Variants in PGR observed in about 807,000 individuals in gnomAD.
PGR encodes the protein nuclear receptor subfamily 3 group C member 3.
A neutral mutation model predicts 76.1 loss-of-function variants in PGR; 25 were observed. The observed-to-expected ratio is 0.33, with a 90% CI of 0.24 to 0.46. PGR has a LOEUF of 0.46. PGR is among the 20% of genes least tolerant of loss of function. PGR has a pLI of 1.00. For synonymous variants in PGR, 579 were observed against 535.0 expected, an observed-to-expected ratio of 1.08 and a Z score of -1.14; for missense variants, 1,172 against 1,225.3, an observed-to-expected ratio of 0.96 and a Z score of 0.65.
At chr11:101,099,385 A>G (rs1861929187) in intron 2 of PGR, among the ~76,000 whole-genome samples, 1 of 152,186 alleles carries the variant, frequency 6.6e-6, no homozygotes, top group Non-Finnish European at 1.5e-5. Context: ...AGAAATTGGG[A>G]TGGCGGTTAC....
chr11:101,052,545 T>G (rs1388452491), intron 4 of PGR, among the ~76,000 whole-genome samples: 1 of 152,122 alleles, frequency 6.6e-6, no homozygotes, highest in Non-Finnish European at 1.5e-5. Context: ...CTGGGTCAGA[T>G]CATCCAAGGT....
chr11:101,078,448 G>A (rs903422769), intron 3 of PGR, among the ~76,000 whole-genome samples: 2 of 152,116 alleles, frequency 1.3e-5, no homozygotes, highest in African/African-American at 2.4e-5. Context: ...ATATAAAGCT[G>A]TATTCATTTC....
intron 3 of PGR, among the ~76,000 whole-genome samples, chr11:101,082,673 T>C (rs1322739800): frequency 6.6e-6 from 1 of 152,172 alleles, no homozygotes; most frequent in African/African-American, 2.4e-5. Flanking sequence ...AGAGAGATGA[T>C]TTGGGGTATC....
intron 4 of PGR, among the ~76,000 whole-genome samples, chr11:101,060,023 T>C (rs1860436153): frequency 6.6e-6 from 1 of 152,130 alleles, no homozygotes; most frequent in Non-Finnish European, 1.5e-5. Context: ...TGCAAATATA[T>C]GCCTAGGTGT....
chr11:101,086,217 A>T (rs889251308), intron 3 of PGR, among the ~76,000 whole-genome samples: 7 of 152,082 alleles, frequency 4.6e-5, no homozygotes, highest in Non-Finnish European at 8.8e-5. Context: ...CTAGCAAACC[A>T]AATCAAACAT....
chr11:101,065,108 C>T (rs531676787), intron 3 of PGR, among the ~76,000 whole-genome samples: 3 of 152,306 alleles, frequency 2.0e-5, no homozygotes, highest in East Asian at 3.9e-4. Context: ...TCTTAAATGA[C>T]GCATGACTGT....
intron 6 of PGR, among the ~76,000 whole-genome samples, chr11:101,047,006 C>T (rs978171114): frequency 2.0e-5 from 3 of 152,170 alleles, no homozygotes; most frequent in African/African-American, 7.2e-5. Context: ...CCCCAAATCT[C>T]ATTAGAATCT....
At chr11:101,106,547 T>C (rs1158328048) in intron 2 of PGR, among the ~76,000 whole-genome samples, 1 of 152,070 alleles carries the variant, frequency 6.6e-6, no homozygotes, top group Non-Finnish European at 1.5e-5. Flanking sequence ...ATGGCAACCA[T>C]TAAAAAGTCA....
In PGR at chr11:101,128,905, C is replaced by G; in HGVS notation, c.166G>C (p.Asp56His). ...CAGGGCCGAGGGAAGAGTAGCCCGT[C>G]CAGGGAGATAGGTATGGCCGAAACT... Reference protein sequence around the residue: ...PEVSAIPISLDGLLFPRPCQG... With the variant: ...PEVSAIPISLHGLLFPRPCQG... Residue 56 changes from aspartate (D) to histidine (H), a missense_variant, in exon 1 of 8, where the codon GAC (aspartate) becomes CAC (histidine). Asp to His is a moderately conservative substitution (Grantham distance 81). Around this residue, in one of 4 missense-constraint regions of PGR, gnomAD observed 893 missense variants for 785.9 expected, o/e 1.14. Transcript: ENST00000325455. The G allele has an allele frequency of 1.2e-6, 2 of 1,613,924 alleles. No homozygotes were observed. Among genetic ancestry groups the G allele is most frequent in the Non-Finnish European group, 1.7e-6 (2 of 1,180,010 alleles).
Position 101,100,869 on chromosome 11 carries a change from C to T in PGR, c.1790-8993G>A, listed in dbSNP as rs182579734. ...ATCCCCCCCTGCAACAATTATGTGG[C>T]CCAATAGGTCAATAGTGTGAGGTTG... On this transcript the variant is annotated intron_variant, in intron 2 of 7. Coordinates refer to ENST00000325455, the MANE Select transcript of PGR (RefSeq NM_000926.4). Among the ~76,000 whole-genome samples, 147 of 152,168 alleles carry T rather than the reference C, an allele frequency of 9.7e-4. 1 individual carries two copies. The highest frequency in any genetic ancestry group is 1.5e-3 in the Non-Finnish European group (99 of 68,014).
At chr11:101,068,568 T>A (rs925588849) in intron 3 of PGR, among the ~76,000 whole-genome samples, 2 of 152,162 alleles carry the variant, frequency 1.3e-5, no homozygotes, top group Non-Finnish European at 2.9e-5. Context: ...CAAGACATCC[T>A]AAGTCAAAAG....
At chr11:101,069,490 C>T (rs1860838619) in intron 3 of PGR, among the ~76,000 whole-genome samples, 1 of 152,118 alleles carries the variant, frequency 6.6e-6, no homozygotes, top group Non-Finnish European at 1.5e-5. Context: ...TGCCATTTGA[C>T]CCAGTAATCC....
In PGR at chr11:101,093,678, C is replaced by T. The variant is rs577925297; in HGVS notation, c.1790-1802G>A. Among the ~76,000 whole-genome samples, 4 of 152,188 alleles carry T rather than the reference C, an allele frequency of 2.6e-5. No homozygotes were observed. The South Asian group carries it at 6.2e-4, about 24-fold the overall frequency. Reference sequence around the variant, plus strand: ...TTCTGCATGTTGGTCAGGCTGGTCTCGAACTCCCAACCTCAGGTGATCTGC... The same window carrying T: ...TTCTGCATGTTGGTCAGGCTGGTCTTGAACTCCCAACCTCAGGTGATCTGC... On this transcript the variant is annotated intron_variant, in intron 2 of 7. Coordinates refer to ENST00000325455, the MANE Select transcript of PGR (RefSeq NM_000926.4).
intron 3 of PGR, among the ~76,000 whole-genome samples, chr11:101,082,078 G>A (rs968536469): frequency 6.6e-6 from 1 of 152,100 alleles, no homozygotes; most frequent in African/African-American, 2.4e-5. Flanking sequence ...TAATGAGTGA[G>A]CTCTCAGGAG....
chr11:101,125,836 T>C (rs1862823732), intron 2 of PGR, among the ~76,000 whole-genome samples, 171 bp downstream of exon 2: 1 of 152,214 alleles, frequency 6.6e-6, no homozygotes, highest in South Asian at 2.1e-4. Flanking sequence ...ACATTCCATT[T>C]TGAGTATCAT....
rs771138591 is a variant in PGR, at chr11:101,128,489, C to G, written c.582G>C (p.Gln194His). The G allele has an allele frequency of 1.9e-6, 3 of 1,606,198 alleles. No individual in the cohort carries two copies. The highest frequency in any genetic ancestry group is 2.5e-6 in the Non-Finnish European group (3 of 1,178,962). The change falls in exon 1 of 8, where the codon CAG becomes CAC. Residue 194 changes from glutamine to histidine, a missense_variant. Physicochemically the swap from Gln to His is conservative, Grantham distance 24. Around this residue, in one of 4 missense-constraint regions of PGR, gnomAD observed 893 missense variants for 785.9 expected, o/e 1.14. Coordinates refer to ENST00000325455, the MANE Select transcript of PGR (RefSeq NM_000926.4). ...VLPRGLSPAR[Q>H]LLLPASESPH... is the part of the protein sequence containing the mutation. Reference sequence around the variant, plus strand: ...GGCTCTCAGAGGCCGGGAGCAGCAGCTGCCGGGCTGGTGACAGGCCCCGGG... The same window carrying G: ...GGCTCTCAGAGGCCGGGAGCAGCAGGTGCCGGGCTGGTGACAGGCCCCGGG...
In PGR at chr11:101,030,893, A is replaced by T. The variant is rs780609335; in HGVS notation, c.*8223T>A. ...GCTTTCATGATTCAGAAGAAGGAAGATGTAGGGCAAAGAGGACAAATGCCT... is the reference window on the plus strand; with the variant it reads ...GCTTTCATGATTCAGAAGAAGGAAGTTGTAGGGCAAAGAGGACAAATGCCT... On this transcript the variant is annotated 3_prime_UTR_variant, in exon 8 of 8. Transcript: ENST00000325455. 5.2e-6 allele frequency: 1 copy of T among 191,514 alleles called. No homozygotes were observed. The highest frequency in any genetic ancestry group is 1.1e-5 in the Non-Finnish European group (1 of 91,510). 11.9% of individuals were successfully genotyped at this position (191,514 alleles called of 1,614,324 possible).
At chr11:101,042,205 G>T (rs1859715343) in intron 6 of PGR, 103 bp from the exon 7 acceptor site, 1 of 1,210,086 alleles carries the variant, frequency 8.3e-7, no homozygotes, top group Non-Finnish European at 1.2e-6. Context: ...TCTGATACAT[G>T]ACTCTAGAAA....
rs376371918 is a variant in PGR, at chr11:101,051,550, A to G, written c.2231T>C (p.Ile744Thr). ...KSLPGFRNLH[I>T]DDQITLIQYS... is the part of the protein sequence containing the mutation. The stretch of plus-strand genomic sequence containing the variant: ...CTGAATGAGAGTTATCTGGTCATCA[A>G]TATGTAAGTTTCGAAAACCTACAAA... The change falls in exon 5 of 8, where the codon ATT (isoleucine) becomes ACT (threonine). Residue 744 changes from isoleucine to threonine, a missense_variant. By Grantham distance (89) the Ile-to-Thr change is moderately conservative. Transcript: ENST00000325455. 47 of 1,608,890 alleles carry G rather than the reference A, an allele frequency of 2.9e-5. No individual in the cohort carries two copies. Among genetic ancestry groups the G allele is most frequent in the Non-Finnish European group, 3.5e-5 (41 of 1,175,822 alleles).
Sources: gnomAD v4.1 joint callset for allele counts (sites outside exome capture counted in the v4.1 genomes callset) on GRCh38, gnomAD v4.1.1 for gene constraint, gnomAD v4.1.1 regional missense constraint, MANE v1.5 for transcripts, NCBI Gene and HGNC (gene_info 2026-07-23, HGNC 2026-07-21) for gene names.